The following STIL variants were observed in gnomAD, a reference collection of about 807,000 sequenced individuals.
The protein encoded by STIL is STIL centriolar assembly protein, also known as SCL-interrupting locus protein.
In STIL, 55 loss-of-function variants were observed where a neutral mutation model predicts 110.1. The ratio of observed to expected loss-of-function variants is 0.50; its 90% confidence interval spans 0.40 to 0.63. STIL has a LOEUF of 0.63. Ranked by LOEUF, STIL falls within the 20% of genes least tolerant of loss-of-function variation. The probability of loss-of-function intolerance (pLI) is 0.00; values close to 1 mark genes in which losing one functional copy is unlikely to be tolerated. For synonymous variants in STIL, 481 were observed against 530.0 expected (o/e 0.91, Z 1.27); for missense variants, 1,358 against 1,530.0 (o/e 0.89, Z 1.87).
Position 47,251,892 on chromosome 1 carries a change from C to T in STIL, c.3111G>A (p.Val1037=). Residue 1037 remains valine, a synonymous_variant, in exon 17 of 17, where the codon GTG becomes GTA. Transcript: ENST00000371877. ...SVLACISPEA[V]ISGLNCMSFA... is the part of the protein sequence containing the mutation. ...ATGACATGCAGTTTAATCCAGAGAT[C>T]ACTGCTTCTGGGCTGATGCATGCCA... 1 of 1,611,068 alleles carries T rather than the reference C, an allele frequency of 6.2e-7. No individual in the cohort carries two copies.
At position 47,280,388 on chromosome 1, in the gene STIL, T is replaced by A. The variant is rs367887740; in HGVS notation, c.2070A>T (p.Ser690=). 62 of 1,614,076 alleles carry A rather than the reference T, an allele frequency of 3.8e-5. 1 individual carries two copies. Among genetic ancestry groups the A allele is most frequent in the East Asian group, 3.1e-4 (14 of 44,892 alleles). ...GCTGTGGGTTACATAAGTCCATATG[T>A]GAAGGCGGTCTTGCCACAGGCGATG... The part of the protein sequence containing the change: ...IEPSPVARPP[S]HMDLCNPQPC... The change falls in exon 12 of 17, where the codon TCA becomes TCT. Residue 690 remains serine (S), a synonymous_variant. Coordinates refer to ENST00000371877, the MANE Select transcript of STIL (RefSeq NM_001048166.1).
intron 10 of STIL, among the ~76,000 whole-genome samples, chr1:47,286,561 AT>A (rs2149036117): frequency 6.6e-6 from 1 of 151,244 alleles, no homozygotes; most frequent in Non-Finnish European, 1.5e-5. Flanking sequence ...AATACAAAAA[AT>A]TAGCCTGGCG....
At chr1:47,286,588 G>A (rs28528218) in intron 10 of STIL, among the ~76,000 whole-genome samples, 13,922 of 151,286 alleles carry the variant, frequency 0.092, 2,122 homozygotes, top group African/African-American at 0.32. Context: ...CCAGCTACTC[G>A]GGAGGCTGAG....
chr1:47,304,988 G>A lies in STIL; in HGVS notation c.53C>T (p.Ser18Leu), dbSNP rs749874501. ...ARPQMNTRFP[S>L]SRMVPFHFPP... ...AAAGTGGAAAGGTACCATCCTGCTTGAAGGAAACCTTTTGAAAAAACAATG... is the reference window on the plus strand; with the variant it reads ...AAAGTGGAAAGGTACCATCCTGCTTAAAGGAAACCTTTTGAAAAAACAATG... The change falls in exon 3 of 17, where the codon TCA (serine) becomes TTA (leucine). Residue 18 changes from serine (S) to leucine (L), a missense_variant. Coordinates refer to ENST00000371877, the MANE Select transcript of STIL (RefSeq NM_001048166.1). The A allele has an allele frequency of 1.2e-6, 2 of 1,613,420 alleles. No homozygotes were observed. Among genetic ancestry groups the A allele is most frequent in the Admixed American group, 1.7e-5 (1 of 59,982 alleles).
At chr1:47,273,540 C>T (rs1570114717) in intron 12 of STIL, among the ~76,000 whole-genome samples, 1 of 152,236 alleles carries the variant, frequency 6.6e-6, no homozygotes, top group East Asian at 1.9e-4. Flanking sequence ...TTTATTGCTT[C>T]TGATTGCTGA....
chr1:47,252,823 A>ACG (rs1553167871), intron 16 of STIL, among the ~76,000 whole-genome samples: 5 of 145,136 alleles, frequency 3.4e-5, no homozygotes, highest in Non-Finnish European at 7.6e-5. Flanking sequence ...ACACACACAC[A>ACG]CGAATACTTT....
At position 47,280,383 on chromosome 1, in the gene STIL, A is replaced by G. The variant is rs773409730; in HGVS notation, c.2075T>C (p.Met692Thr). The G allele has an allele frequency of 1.9e-6, 3 of 1,614,228 alleles. No individual in the cohort carries two copies. Among genetic ancestry groups the G allele is most frequent in the East Asian group, 4.5e-5 (2 of 44,884 alleles). The stretch of plus-strand genomic sequence containing the variant: ...GCAAGGCTGTGGGTTACATAAGTCC[A>G]TATGTGAAGGCGGTCTTGCCACAGG... ...PSPVARPPSH[M>T]DLCNPQPCTV... Residue 692 changes from methionine (M) to threonine (T), a missense_variant, in exon 12 of 17, where the codon ATG becomes ACG. Transcript: ENST00000371877.
intron 14 of STIL, among the ~76,000 whole-genome samples, chr1:47,266,321 A>C (rs1257092003): frequency 6.6e-6 from 1 of 152,210 alleles, no homozygotes; most frequent in East Asian, 1.9e-4. Flanking sequence ...ATTTCTAAAA[A>C]GTAATCCACT....
chr1:47,301,929 G>A lies in STIL; in HGVS notation c.266-181C>T, dbSNP rs369437360. The stretch of plus-strand genomic sequence containing the variant: ...ATAAGCGTATACTAAAGTCTTACTT[G>A]CTTATATATATTGATCCATCTGACC... On this transcript the variant is annotated intron_variant, in intron 4 of 16. Transcript: ENST00000371877. Among the ~76,000 whole-genome samples the A allele has an allele frequency of 1.1e-4, 17 of 152,200 alleles. No homozygotes were observed. In the East Asian group the frequency reaches 3.1e-3, roughly 28 times the overall value.
intron 5 of STIL, 43 bp from the exon 6 acceptor site, chr1:47,300,195 G>A: frequency 1.3e-6 from 2 of 1,586,820 alleles, no homozygotes; most frequent in South Asian, 1.1e-5. Flanking sequence ...ACTTTGAAAT[G>A]TGCCCATATC....
intron 7 of STIL, among the ~76,000 whole-genome samples, chr1:47,293,946 C>T (rs184849261): frequency 4.7e-4 from 72 of 152,290 alleles, no homozygotes; most frequent in Admixed American, 4.4e-3. Flanking sequence ...AACTACTTCA[C>T]AGAGTTGCTG....
At position 47,251,127 on chromosome 1, in the gene STIL, G is replaced by A. The variant is rs1644169544; in HGVS notation, c.*9C>T. The stretch of plus-strand genomic sequence containing the variant: ...TGTCCCTGTATTAAAAGGGCAGGGA[G>A]TTAAAAGGTTAAAATAATTTTGGTA... On this transcript the variant is annotated 3_prime_UTR_variant, in exon 17 of 17. Transcript: ENST00000371877. 2 of 1,612,968 alleles carry A rather than the reference G, an allele frequency of 1.2e-6. No individual in the cohort carries two copies. The highest frequency in any genetic ancestry group is 1.3e-5 in the African/African-American group (1 of 74,904).
At chr1:47,266,235 G>A (rs369159431) in intron 14 of STIL, among the ~76,000 whole-genome samples, 1 of 152,310 alleles carries the variant, frequency 6.6e-6, no homozygotes, top group African/African-American at 2.4e-5. Context: ...GTAGTTTTCT[G>A]AAGGGACATG....
rs566018345 is a variant in STIL at position 47,274,431 on chromosome 1, C to T, written c.2218-2190G>A. ...CTGCAAGCTCCGCCTCCCGGGTCCA[C>T]GCCATTCTCCTGCCTCAGCCTCCCG... On this transcript the variant is annotated intron_variant, in intron 12 of 16. Transcript: ENST00000371877. Among the ~76,000 whole-genome samples the T allele has an allele frequency of 4.4e-4, 65 of 148,680 alleles. 1 individual carries two copies. Among genetic ancestry groups the T allele is most frequent in the Admixed American group, 2.9e-3 (43 of 14,788 alleles).
At chr1:47,292,923 G>C (rs186748735) in intron 8 of STIL, among the ~76,000 whole-genome samples, 1 of 152,262 alleles carries the variant, frequency 6.6e-6, no homozygotes, top group Admixed American at 6.5e-5. Context: ...AAGAAGGTGA[G>C]AGACAAATAC....
At chr1:47,261,497 T>C (rs1557708618) in intron 15 of STIL, among the ~76,000 whole-genome samples, 1 of 151,844 alleles carries the variant, frequency 6.6e-6, no homozygotes, top group Non-Finnish European at 1.5e-5. Flanking sequence ...CCCAGCACTT[T>C]GGGAGGCCAA....
Position 47,299,882 on chromosome 1 carries a change from A to G in STIL, c.701+23T>C, listed in dbSNP as rs1419051982. ...AAATATACTAATGCAACTAACATTT[A>G]GATTAATGTATCTTTTACTTACCCA... On this transcript the variant is annotated intron_variant, in intron 6 of 16. Transcript: ENST00000371877. 6 of 1,604,490 alleles carry G rather than the reference A, an allele frequency of 3.7e-6. No individual in the cohort carries two copies. In the South Asian group the frequency reaches 6.6e-5, roughly 18 times the overall value.
At chr1:47,312,085 A>G (rs114943243) in intron 1 of STIL, among the ~76,000 whole-genome samples, 1,744 of 152,116 alleles carry the variant, frequency 0.011, 14 homozygotes, top group Non-Finnish European at 0.018. Flanking sequence ...AGGATTATTA[A>G]TCCAGATGCA....
At chr1:47,275,484 T>C (rs1040808834) in intron 12 of STIL, among the ~76,000 whole-genome samples, 12 of 151,986 alleles carry the variant, frequency 7.9e-5, no homozygotes, top group Middle Eastern at 3.4e-3. Flanking sequence ...GGCCAACGCC[T>C]GTAGTCCCAG....
Sources: allele counts gnomAD v4.1 joint callset (sites outside exome capture counted in the v4.1 genomes callset), GRCh38; gene constraint gnomAD v4.1.1; transcripts MANE v1.5; gene names NCBI Gene and HGNC (gene_info 2026-07-23, HGNC 2026-07-21).